Variants in INSL6 observed in about 807,000 individuals in gnomAD.
INSL6 encodes the protein insulin-like peptide INSL6.
In INSL6, 16 loss-of-function variants were observed where a neutral mutation model predicts 9.4. The ratio of observed to expected loss-of-function variants is 1.70; its 90% confidence interval spans 1.15 to 2.59. The LOEUF is 2.59. Among genes scored for constraint, INSL6 ranks in the 30% most tolerant of loss-of-function variants. The probability of loss-of-function intolerance (pLI) is 0.00; values close to 1 mark genes in which losing one functional copy is unlikely to be tolerated. For synonymous variants in INSL6, 154 were observed against 96.9 expected (o/e 1.59, Z -3.46); for missense variants, 391 against 257.3 (o/e 1.52, Z -3.56).
At chr9:5,165,881 T>TA in intron 1 of INSL6, among the ~76,000 whole-genome samples, 1 of 152,352 alleles carries the variant, frequency 6.6e-6, no homozygotes, top group South Asian at 2.1e-4. Flanking sequence ...TAGTCTCTAC[T>TA]GTAGAGCCAG....
intron 1 of INSL6, among the ~76,000 whole-genome samples, chr9:5,172,321 T>G (rs970620796): frequency 6.6e-6 from 1 of 152,138 alleles, no homozygotes; most frequent in Non-Finnish European, 1.5e-5. Flanking sequence ...CAAGCTGAAT[T>G]AAAGACTTAA....
intron 1 of INSL6, among the ~76,000 whole-genome samples, chr9:5,170,995 C>A (rs1485379026): frequency 6.6e-6 from 1 of 152,160 alleles, no homozygotes; most frequent in East Asian, 1.9e-4. Flanking sequence ...TTCTATGAGG[C>A]CAGCATCATC....
intron 2 of INSL6, among the ~76,000 whole-genome samples, chr9:5,138,637 G>A (rs926458639): frequency 6.6e-6 from 1 of 151,962 alleles, no homozygotes; most frequent in Non-Finnish European, 1.5e-5. Context: ...GTAGATGACA[G>A]GTTGATGGGT....
At chr9:5,017,880 A>G in the INSL6 span, among the ~76,000 whole-genome samples, 2 of 152,180 alleles carry the variant, frequency 1.3e-5, no homozygotes, top group Non-Finnish European at 2.9e-5. Context: ...TTATCATTCT[A>G]GAATTACCTT....
chr9:5,065,337 T>G, the INSL6 span, among the ~76,000 whole-genome samples: 6 of 152,230 alleles, frequency 3.9e-5, no homozygotes, highest in South Asian at 8.3e-4. Context: ...AATTTATGTT[T>G]TATTAATTTT....
intron 2 of INSL6, among the ~76,000 whole-genome samples, chr9:5,156,151 C>G (rs1824811898): frequency 6.6e-6 from 1 of 151,344 alleles, no homozygotes; most frequent in South Asian, 2.1e-4. Context: ...GAAAAAAAGG[C>G]CAAATGAACT....
chr9:5,061,844 G>C, the INSL6 span, among the ~76,000 whole-genome samples: 3 of 152,028 alleles, frequency 2.0e-5, no homozygotes, highest in Admixed American at 2.0e-4. Flanking sequence ...TCTAGCTTTT[G>C]ATTTAAAGTG....
exon 4 of INSL6, among the ~76,000 whole-genome samples, chr9:5,123,888 CTT>C (rs543606211): frequency 4.2e-5 from 6 of 142,150 alleles, no homozygotes; most frequent in African/African-American, 2.6e-5. Context: ...AATTTTTTCT[CTT>C]TTTTTTTTTT....
chr9:5,166,864 T>A (rs1197429391), intron 1 of INSL6, among the ~76,000 whole-genome samples: 1 of 152,220 alleles, frequency 6.6e-6, no homozygotes, highest in Non-Finnish European at 1.5e-5. Flanking sequence ...TAAAAACTCA[T>A]TTGACTTTCA....
chr9:5,078,522 C>G, the INSL6 span: 1 of 1,048,900 alleles, frequency 9.5e-7, no homozygotes, highest in Non-Finnish European at 1.4e-6. Context: ...TGTTAATTTT[C>G]CTTGAATTCC....
chr9:5,155,760 G>A lies in INSL6; in HGVS notation c.376+8419C>T, dbSNP rs1275995700. 2.6e-5 allele frequency among the ~76,000 whole-genome samples: 4 copies of A among 151,456 alleles called. No individual in the cohort carries two copies. In the East Asian group the frequency reaches 7.8e-4, roughly 30 times the overall value. Reference sequence around the variant, plus strand: ...CAGGGAGGGGAACATCACACACCGGGGCCTGTTTGGGGGTGGGGGGATAGG... The same window carrying A: ...CAGGGAGGGGAACATCACACACCGGAGCCTGTTTGGGGGTGGGGGGATAGG... On this transcript the variant is annotated intron_variant, in intron 2 of 3. Transcript: ENST00000649639.
At chr9:5,016,602 C>T in the INSL6 span, among the ~76,000 whole-genome samples, 5 of 152,162 alleles carry the variant, frequency 3.3e-5, no homozygotes, top group Non-Finnish European at 7.4e-5. Context: ...GTATGCTACT[C>T]ATAAATGCAC....
chr9:5,087,839 A>T, the INSL6 span, among the ~76,000 whole-genome samples: 1 of 152,228 alleles, frequency 6.6e-6, no homozygotes. Context: ...TTTATTTATA[A>T]GAATATTATT....
At chr9:5,031,729 A>G in the INSL6 span, among the ~76,000 whole-genome samples, 1 of 152,336 alleles carries the variant, frequency 6.6e-6, no homozygotes, top group Admixed American at 6.5e-5. Flanking sequence ...AACTATAAAA[A>G]TTTTCAAATG....
chr9:5,089,484 G>C, the INSL6 span, among the ~76,000 whole-genome samples: 2 of 139,034 alleles, frequency 1.4e-5, no homozygotes, highest in Non-Finnish European at 3.0e-5. Context: ...CTTGCAGTGA[G>C]CCGAGATCGT....
At chr9:5,157,439 A>G (rs1185864067) in intron 2 of INSL6, among the ~76,000 whole-genome samples, 1 of 152,046 alleles carries the variant, frequency 6.6e-6, no homozygotes, top group Non-Finnish European at 1.5e-5. Context: ...TCAGAAATAA[A>G]CCCACTCATA....
the INSL6 span, chr9:5,108,150 C>T: frequency 6.6e-6 from 1 of 152,014 alleles, no homozygotes; most frequent in African/African-American, 2.4e-5. Context: ...TTTTATAATC[C>T]TAGCAAGCCA....
At chr9:5,128,562 T>C (rs543611866) in intron 3 of INSL6, among the ~76,000 whole-genome samples, 100 of 152,044 alleles carry the variant, frequency 6.6e-4, no homozygotes, top group Middle Eastern at 3.4e-3. Flanking sequence ...CAAGGGTCTC[T>C]AACATTGCTT....
At chr9:5,127,383 T>A (rs892740285) in intron 3 of INSL6, 6 of 231,982 alleles carry the variant, frequency 2.6e-5, no homozygotes, top group African/African-American at 1.3e-4. Flanking sequence ...GTGTATACTT[T>A]TAGCTTGTAG....
Sources: gnomAD v4.1 joint callset for allele counts (sites outside exome capture counted in the v4.1 genomes callset) on GRCh38, gnomAD v4.1.1 for gene constraint, MANE v1.5 for transcripts, NCBI Gene and HGNC (gene_info 2026-07-23, HGNC 2026-07-21) for gene names.